The following MAML3 variants were observed in gnomAD, a reference collection of about 807,000 sequenced individuals.
MAML3 encodes mastermind-like protein 3.
In MAML3, 27 loss-of-function variants were observed where a neutral mutation model predicts 101.9. The ratio of observed to expected loss-of-function variants is 0.27; its 90% confidence interval spans 0.20 to 0.37. The LOEUF is 0.37. Among genes scored for constraint, MAML3 ranks in the 10% least tolerant of loss-of-function variants. The pLI is 1.00. For missense variants in MAML3, 1,316 were observed against 1,444.9 expected, an observed-to-expected ratio of 0.91 and a Z score of 1.45; for synonymous variants, 501 against 555.9, an observed-to-expected ratio of 0.90 and a Z score of 1.39.
intron 1 of MAML3, among the ~76,000 whole-genome samples, chr4:139,982,772 C>G (rs1376860005): frequency 6.6e-6 from 1 of 152,186 alleles, no homozygotes; most frequent in Non-Finnish European, 1.5e-5. Flanking sequence ...ATAGACCACT[C>G]TAGCCTACTC....
Position 139,890,140 on chromosome 4 carries a change from A to C in MAML3, c.1296T>G (p.Pro432=). 6.2e-7 allele frequency: 1 copy of C among 1,613,706 alleles called. No individual in the cohort carries two copies. Among genetic ancestry groups the C allele is most frequent in the Non-Finnish European group, 8.5e-7 (1 of 1,179,874 alleles). The change falls in exon 2 of 5, where the codon CCT becomes CCG. Residue 432 remains proline, a synonymous_variant. Transcript: ENST00000509479. This position sits in a 1 kb window ranked among gnomAD's most constrained non-coding sequence, Gnocchi z 4.1. The stretch of plus-strand genomic sequence containing the variant: ...TCAGGAGATAACCATTTCCAGGCCG[A>C]GGTGGAGCTTGGCCTGGAGTGTGGG... The part of the protein sequence containing the change: ...NQAHTPGQAP[P]RPGNGYLLNP...
chr4:140,142,041 A>G (rs1284093220), intron 1 of MAML3, among the ~76,000 whole-genome samples: 3 of 152,250 alleles, frequency 2.0e-5, no homozygotes, highest in Admixed American at 6.5e-5. Flanking sequence ...CAAAGTATCA[A>G]TCAATAGAGA....
chr4:139,885,694 C>T (rs1349089790), intron 2 of MAML3, among the ~76,000 whole-genome samples: 85 of 149,060 alleles, frequency 5.7e-4, no homozygotes, highest in Admixed American at 3.6e-3. Flanking sequence ...GAGGCTGAGG[C>T]GGGCGGATCA....
chr4:140,063,906 A>G (rs978468180), intron 1 of MAML3, among the ~76,000 whole-genome samples: 1 of 152,208 alleles, frequency 6.6e-6, no homozygotes, highest in Non-Finnish European at 1.5e-5. Context: ...AGAACACTGA[A>G]TATACAAACA....
intron 1 of MAML3, among the ~76,000 whole-genome samples, chr4:140,107,492 T>C (rs1252407140): frequency 2.7e-5 from 4 of 149,120 alleles, no homozygotes; most frequent in Non-Finnish European, 5.9e-5. Flanking sequence ...TCACAGACTA[T>C]AGATGAAAAA....
chr4:139,954,166 T>C (rs1733878305), intron 1 of MAML3, among the ~76,000 whole-genome samples: 1 of 152,210 alleles, frequency 6.6e-6, no homozygotes, highest in Non-Finnish European at 1.5e-5. Flanking sequence ...TCATATTTTA[T>C]ATCCTTAGAA....
At chr4:140,012,013 A>G (rs1456507341) in intron 1 of MAML3, among the ~76,000 whole-genome samples, 1 of 146,964 alleles carries the variant, frequency 6.8e-6, no homozygotes, top group Non-Finnish European at 1.5e-5. Flanking sequence ...CTAAATCTCA[A>G]AAAAAAAAAA....
chr4:140,025,362 A>G (rs183068695), intron 1 of MAML3, among the ~76,000 whole-genome samples: 21 of 152,342 alleles, frequency 1.4e-4, no homozygotes, highest in Admixed American at 1.2e-3. Context: ...TGAACTGAGT[A>G]TGACAAAATC....
At chr4:139,802,355 T>C (rs544794133) in intron 2 of MAML3, among the ~76,000 whole-genome samples, 1 of 152,260 alleles carries the variant, frequency 6.6e-6, no homozygotes, top group East Asian at 1.9e-4. Context: ...CTTTCTCTCT[T>C]TCCTTGGCTT....
Position 139,793,758 on chromosome 4 carries a change from G to C in MAML3, c.2080-63091C>G, listed in dbSNP as rs144492061. ...AGAAATACAGATCTTTAGCTCCAGAGGGTATTAAACACATTCTTCTGTAAT... is the reference window on the plus strand; with the variant it reads ...AGAAATACAGATCTTTAGCTCCAGACGGTATTAAACACATTCTTCTGTAAT... On this transcript the variant is annotated intron_variant, in intron 2 of 4. Coordinates refer to ENST00000509479, the MANE Select transcript of MAML3 (RefSeq NM_018717.5). Among the ~76,000 whole-genome samples, 8 of 152,262 alleles carry C rather than the reference G, an allele frequency of 5.3e-5. No individual in the cohort carries two copies. In the East Asian group the frequency reaches 1.5e-3, roughly 29 times the overall value.
chr4:139,950,751 C>T (rs888714718), intron 1 of MAML3, among the ~76,000 whole-genome samples: 3 of 152,202 alleles, frequency 2.0e-5, no homozygotes, highest in African/African-American at 7.2e-5. Flanking sequence ...ACAGCCTGGT[C>T]TGTGTAAGTC....
At chr4:140,088,393 C>G (rs1359351733) in intron 1 of MAML3, among the ~76,000 whole-genome samples, 1 of 152,186 alleles carries the variant, frequency 6.6e-6, no homozygotes, top group Non-Finnish European at 1.5e-5. Context: ...AAAAAGTCAT[C>G]AAGATGTAGT....
intron 2 of MAML3, among the ~76,000 whole-genome samples, chr4:139,795,406 C>A (rs893870321): frequency 2.0e-5 from 3 of 152,164 alleles, no homozygotes; most frequent in South Asian, 2.1e-4. Flanking sequence ...GCATATTATA[C>A]ACGAAACGTT....
chr4:139,764,975 T>G (rs1729831542), intron 2 of MAML3, among the ~76,000 whole-genome samples: 1 of 152,156 alleles, frequency 6.6e-6, no homozygotes, highest in Non-Finnish European at 1.5e-5. Flanking sequence ...GAGACAGAGG[T>G]GAGCCCAGCC....
intron 2 of MAML3, among the ~76,000 whole-genome samples, chr4:139,854,125 A>AT (rs1002594059): frequency 1.5e-4 from 23 of 150,854 alleles, no homozygotes; most frequent in East Asian, 9.7e-4. Context: ...GCCCGGCCAC[A>AT]TTTTTTTTTA....
At chr4:139,804,409 G>A (rs1730669146) in intron 2 of MAML3, among the ~76,000 whole-genome samples, 2 of 152,040 alleles carry the variant, frequency 1.3e-5, no homozygotes, top group Non-Finnish European at 2.9e-5. Flanking sequence ...TGAGATTACA[G>A]GTGCCCGCCA....
chr4:139,887,809 G>T (rs952704387), intron 2 of MAML3, among the ~76,000 whole-genome samples: 2 of 152,092 alleles, frequency 1.3e-5, no homozygotes, highest in Non-Finnish European at 2.9e-5. Context: ...CTTCTGACAC[G>T]CCTGGGCTAC....
intron 2 of MAML3, among the ~76,000 whole-genome samples, chr4:139,732,254 T>C (rs1269269830): frequency 6.6e-6 from 1 of 152,146 alleles, no homozygotes; most frequent in Non-Finnish European, 1.5e-5. Flanking sequence ...ATAGGTGAAG[T>C]TTCTCTCTGT....
chr4:140,114,544 T>A (rs539699373), intron 1 of MAML3, among the ~76,000 whole-genome samples: 1 of 152,246 alleles, frequency 6.6e-6, no homozygotes, highest in Non-Finnish European at 1.5e-5. Context: ...TAGGCAACTC[T>A]TTCTCTTGAA....
Sources: gnomAD v4.1 joint callset for allele counts (sites outside exome capture counted in the v4.1 genomes callset) on GRCh38, gnomAD v4.1.1 for gene constraint, Gnocchi (gnomAD v3.1) non-coding constraint, MANE v1.5 for transcripts, NCBI Gene and HGNC (gene_info 2026-07-23, HGNC 2026-07-21) for gene names.